Variants in LGALS4 observed in about 807,000 individuals in gnomAD.
LGALS4 encodes galectin 4.
LGALS4 carries 37 observed loss-of-function variants against 39.6 expected under a neutral mutation model. That is an observed-to-expected ratio of 0.93 (90% CI 0.72 to 1.23). LGALS4 has a LOEUF of 1.23. Among genes scored for constraint, LGALS4 ranks in the 50% most tolerant of loss-of-function variants. The pLI is 0.00. For synonymous variants in LGALS4, 160 were observed against 165.5 expected, an observed-to-expected ratio of 0.97 and a Z score of 0.25; for missense variants, 397 against 433.2, an observed-to-expected ratio of 0.92 and a Z score of 0.74.
chr19:38,807,479 C>T (rs956135974), intron 3 of LGALS4, among the ~76,000 whole-genome samples: 4 of 152,206 alleles, frequency 2.6e-5, no homozygotes, highest in South Asian at 2.1e-4. Flanking sequence ...TAAGGAAAAG[C>T]GCTAAAAGAG....
chr19:38,803,615 T>C (rs1165477509), intron 6 of LGALS4, 64 bp from the exon 7 acceptor site: 3 of 1,600,358 alleles, frequency 1.9e-6, no homozygotes, highest in Admixed American at 1.7e-5. Flanking sequence ...GACACACCCA[T>C]TAGACTCCGG....
chr19:38,803,161 C>T lies in LGALS4; in HGVS notation c.570+361G>A, dbSNP rs146050569. ...TCCTGAGTAGCTGGGATTACAGGCG[C>T]GCGCCACCATGCCCAGCTAATTTTT... is the stretch of plus-strand genomic sequence containing the variant. On this transcript the variant is annotated intron_variant, in intron 7 of 9. Transcript: ENST00000307751. 1,516 of 249,832 alleles carry T rather than the reference C, an allele frequency of 6.1e-3. 25 individuals carry two copies. The highest frequency in any genetic ancestry group is 0.031 in the African/African-American group (1,393 of 44,790). The allele number at this position is 249,832 out of a possible 1,614,324, so 15.5% of individuals were successfully genotyped here.
At chr19:38,802,493 CCTGT>C in intron 7 of LGALS4, 89 bp from the exon 8 acceptor site, 1 of 1,031,510 alleles carries the variant, frequency 9.7e-7, no homozygotes, top group Non-Finnish European at 1.5e-6. Flanking sequence ...TCTTTTCTTT[CCTGT>C]CTTTTTTTCT....
chr19:38,802,678 A>C (rs1971371518), intron 7 of LGALS4, among the ~76,000 whole-genome samples: 1 of 149,000 alleles, frequency 6.7e-6, no homozygotes. Flanking sequence ...ACAAAGGAAC[A>C]AATTTTGTTT....
In LGALS4 at chr19:38,806,545, T is replaced by C; in HGVS notation, c.390A>G (p.Leu130=). The part of the protein sequence containing the change: ...PFYEYGHRLP[L]QMVTHLQVDG... ...CCACTTGCAGGTGGGTGACCATCTG[T>C]AGGGGAAGCCGGTGCCCGTACTCAT... Residue 130 remains leucine, a synonymous_variant, in exon 4 of 10, where the codon CTA becomes CTG. Transcript: ENST00000307751. 6.2e-7 allele frequency: 1 copy of C among 1,614,040 alleles called. No individual in the cohort carries two copies. Among genetic ancestry groups the C allele is most frequent in the Non-Finnish European group, 8.5e-7 (1 of 1,179,952 alleles).
At position 38,801,992 on chromosome 19, in the gene LGALS4, A is replaced by G. The variant is rs761895109; in HGVS notation, c.825T>C (p.Asp275=). The G allele has an allele frequency of 6.2e-7, 1 of 1,614,192 alleles. No homozygotes were observed. The highest frequency in any genetic ancestry group is 8.5e-7 in the Non-Finnish European group (1 of 1,180,022). The change falls in exon 9 of 10, where the codon GAT becomes GAC. Residue 275 remains aspartate (D), a splice_region_variant and synonymous_variant. Transcript: ENST00000307751. The part of the protein sequence containing the change: ...HNPFGPGQFF[D]LSIRCGLDRF... ...GTGGGAAAAGAGAGCTCAGACTCAC[A>G]TCAAAGAACTGTCCGGGACCAAATG... is the stretch of plus-strand genomic sequence containing the variant.
chr19:38,806,506 T>C lies in LGALS4; in HGVS notation c.429A>G (p.Gln143=). 6.2e-7 allele frequency: 1 copy of C among 1,614,126 alleles called. No individual in the cohort carries two copies. Among genetic ancestry groups the C allele is most frequent in the Non-Finnish European group, 8.5e-7 (1 of 1,180,006 alleles). ...CTCCGATGAAGTTGATTGATTGAAG[T>C]TGCAGATCCCCATCCACTTGCAGGT... The part of the protein sequence containing the change: ...VTHLQVDGDL[Q]LQSINFIGGQ... The change falls in exon 4 of 10, where the codon CAA becomes CAG. Residue 143 remains glutamine, a synonymous_variant. Transcript: ENST00000307751.
chr19:38,807,664 T>C (rs1332172827), intron 3 of LGALS4, among the ~76,000 whole-genome samples: 1 of 151,288 alleles, frequency 6.6e-6, no homozygotes, highest in Admixed American at 6.6e-5. Context: ...ATGATGACGA[T>C]GGCGGTTTTG....
At chr19:38,808,667 A>C (rs1035177750) in intron 3 of LGALS4, 77 bp downstream of exon 3, 14 of 1,103,374 alleles carry the variant, frequency 1.3e-5, no homozygotes, top group Non-Finnish European at 1.9e-5. Context: ...AAAAGGAAGG[A>C]AGGCGGGAAG....
At position 38,812,406 on chromosome 19, in the gene LGALS4, CGGCCTGGCTT is replaced by C. The variant is rs781664309; in HGVS notation, c.134+15_134+24del. 7 of 1,607,048 alleles carry C rather than the reference CGGCCTGGCTT, an allele frequency of 4.4e-6. No individual in the cohort carries two copies. Among genetic ancestry groups the C allele is most frequent in the Non-Finnish European group, 5.1e-6 (6 of 1,174,096 alleles). On this transcript the variant is annotated intron_variant, in intron 2 of 9. Transcript: ENST00000307751. Reference sequence around the variant, plus strand: ...CCCAGTTGGAAGTCCCCTGCCAGCCCGGCCTGGCTTGGGGAGGGTCTTACCGCTTCATGTG... The same window carrying C: ...CCCAGTTGGAAGTCCCCTGCCAGCCCGGGGAGGGTCTTACCGCTTCATGTG...
chr19:38,807,996 C>T (rs113718174), intron 3 of LGALS4, among the ~76,000 whole-genome samples: 1,932 of 152,204 alleles, frequency 0.013, 46 homozygotes, highest in African/African-American at 0.044. Context: ...GGCCGCAGGG[C>T]CCTCTGCCTA....
rs1452851580 is a variant in LGALS4 at position 38,809,038 on chromosome 19, C to G, written c.135-90G>C. ...GAAGCCCTCTCCCTGCCGCCCTGTCCTCGGCCTCCCTGGCCCGGACCTCAG... is the reference window on the plus strand; with the variant it reads ...GAAGCCCTCTCCCTGCCGCCCTGTCGTCGGCCTCCCTGGCCCGGACCTCAG... On this transcript the variant is annotated intron_variant, in intron 2 of 9. Transcript: ENST00000307751. The G allele has an allele frequency of 5.3e-6, 6 of 1,142,310 alleles. No homozygotes were observed. In the African/African-American group the frequency reaches 7.7e-5, roughly 15 times the overall value. 70.8% of individuals were successfully genotyped at this position (1,142,310 alleles called of 1,614,324 possible). A position where few individuals can be genotyped will look rare whatever the true frequency, so the allele number is the denominator to read the frequency against.
rs529347296 is a variant in LGALS4, at chr19:38,805,562, C to T, written c.474+899G>A. On this transcript the variant is annotated intron_variant, in intron 4 of 9. Coordinates refer to ENST00000307751, the MANE Select transcript of LGALS4 (RefSeq NM_006149.4). The stretch of plus-strand genomic sequence containing the variant: ...ATATCTCAGTCATTCCTGTCTCCAG[C>T]CCTGGGCCTGACCCCTCTGCCTGCC... 2.0e-5 allele frequency among the ~76,000 whole-genome samples: 3 copies of T among 152,234 alleles called. No individual in the cohort carries two copies. The South Asian group carries it at 6.2e-4, about 32-fold the overall frequency.
chr19:38,803,617 A>AT, intron 6 of LGALS4, 66 bp from the exon 7 acceptor site: 1 of 1,600,518 alleles, frequency 6.2e-7, no homozygotes, highest in Non-Finnish European at 8.6e-7. Flanking sequence ...CACACCCATT[A>AT]GACTCCGGCG....
Position 38,803,390 on chromosome 19 carries a change from C to T in LGALS4, c.570+132G>A, listed in dbSNP as rs531270009. 9.1e-6 allele frequency: 8 copies of T among 878,978 alleles called. No individual in the cohort carries two copies. In the East Asian group the frequency reaches 2.0e-4, roughly 22 times the overall value. The allele number at this position is 878,978 out of a possible 1,614,324, so 54.4% of individuals were successfully genotyped here. A position where few individuals can be genotyped will look rare whatever the true frequency, so the allele number is the denominator to read the frequency against. Reference sequence around the variant, plus strand: ...AATTCCTTCTGCTCCCTAAACCTGACCACGAACTCTATCTACCCTTCCCCT... The same window carrying T: ...AATTCCTTCTGCTCCCTAAACCTGATCACGAACTCTATCTACCCTTCCCCT... On this transcript the variant is annotated intron_variant, in intron 7 of 9. Coordinates refer to ENST00000307751, the MANE Select transcript of LGALS4 (RefSeq NM_006149.4).
intron 7 of LGALS4, 89 bp from the exon 8 acceptor site, chr19:38,802,493 C>T (rs1971369228): frequency 9.7e-7 from 1 of 1,031,510 alleles, no homozygotes; most frequent in Non-Finnish European, 1.5e-6. Context: ...TCTTTTCTTT[C>T]CTGTCTTTTT....
chr19:38,812,633 G>A (rs113545575), intron 1 of LGALS4, 114 bp from the exon 2 acceptor site: 7 of 1,055,718 alleles, frequency 6.6e-6, no homozygotes, highest in Admixed American at 3.9e-5. Context: ...CATGGGGGAG[G>A]ACCAGGTTGA....
At chr19:38,808,137 T>A (rs1348997849) in intron 3 of LGALS4, among the ~76,000 whole-genome samples, 4 of 141,558 alleles carry the variant, frequency 2.8e-5, no homozygotes, top group Admixed American at 7.0e-5. Context: ...AATAAATAAA[T>A]AAATAATAAA....
chr19:38,809,088 G>T, intron 2 of LGALS4, 140 bp from the exon 3 acceptor site: 1 of 664,210 alleles, frequency 1.5e-6, no homozygotes, highest in Non-Finnish European at 2.6e-6. Flanking sequence ...GGCAACCTTG[G>T]CACTGTGGGC....
Sources: gnomAD v4.1 joint callset for allele counts (sites outside exome capture counted in the v4.1 genomes callset) on GRCh38, gnomAD v4.1.1 for gene constraint, MANE v1.5 for transcripts, NCBI Gene and HGNC (gene_info 2026-07-23, HGNC 2026-07-21) for gene names.